The following STXBP6 variants were observed in gnomAD, a reference collection of about 807,000 sequenced individuals.
STXBP6 encodes syntaxin binding protein 6.
A neutral mutation model predicts 26.9 loss-of-function variants in STXBP6; 21 were observed. The ratio of observed to expected loss-of-function variants is 0.78; its 90% confidence interval spans 0.55 to 1.12. The LOEUF is 1.12. Among genes scored for constraint, STXBP6 ranks in the 50% most tolerant of loss-of-function variants. The pLI, the probability that STXBP6 is intolerant of heterozygous loss-of-function variation, is 0.00. For synonymous variants in STXBP6, 97 were observed against 92.6 expected, an observed-to-expected ratio of 1.05 and a Z score of -0.27; for missense variants, 232 against 257.9, an observed-to-expected ratio of 0.90 and a Z score of 0.69.
At chr14:24,819,891 T>C (rs1281447153) in intron 4 of STXBP6, among the ~76,000 whole-genome samples, 4 of 152,146 alleles carry the variant, frequency 2.6e-5, no homozygotes, top group African/African-American at 9.7e-5. Flanking sequence ...AGGACCATAC[T>C]TAACCAGCAG....
At chr14:24,814,246 G>A (rs1340076256) in intron 5 of STXBP6, among the ~76,000 whole-genome samples, 1 of 152,174 alleles carries the variant, frequency 6.6e-6, no homozygotes, top group Admixed American at 6.5e-5. Context: ...GGTGCAAATG[G>A]CAGAGCCAGG....
At chr14:24,966,259 T>A (rs1425612589) in intron 2 of STXBP6, among the ~76,000 whole-genome samples, 1 of 152,090 alleles carries the variant, frequency 6.6e-6, no homozygotes, top group Non-Finnish European at 1.5e-5. Flanking sequence ...GCTAAACCAC[T>A]AGAAAAGCTG....
intron 1 of STXBP6, among the ~76,000 whole-genome samples, chr14:25,030,284 C>A (rs1431258335): frequency 1.3e-5 from 2 of 152,162 alleles, no homozygotes; most frequent in Non-Finnish European, 2.9e-5. Flanking sequence ...GACAGTACCC[C>A]ATGCCCAATA....
chr14:24,827,839 G>T (rs1171382829), intron 4 of STXBP6, among the ~76,000 whole-genome samples: 1 of 151,926 alleles, frequency 6.6e-6, no homozygotes, highest in Non-Finnish European at 1.5e-5. Context: ...ACCTCTGCAG[G>T]ACCCCCAACC....
intron 2 of STXBP6, among the ~76,000 whole-genome samples, chr14:24,962,003 G>A (rs965424131): frequency 1.3e-5 from 2 of 152,074 alleles, no homozygotes; most frequent in Non-Finnish European, 2.9e-5. Flanking sequence ...ATGTCTGATG[G>A]ATTCCTAACT....
chr14:24,945,892 C>T (rs1322452273), intron 2 of STXBP6, among the ~76,000 whole-genome samples: 1 of 152,152 alleles, frequency 6.6e-6, no homozygotes, highest in African/African-American at 2.4e-5. Context: ...TCCAGGGAGA[C>T]ACGCTGGATT....
At chr14:24,818,974 T>C (rs879174800) in intron 5 of STXBP6, 63 bp downstream of exon 5, 1 of 1,497,534 alleles carries the variant, frequency 6.7e-7, no homozygotes, top group African/African-American at 1.4e-5. Flanking sequence ...TGAAATAAAG[T>C]TTCTTGGCAC....
intron 2 of STXBP6, among the ~76,000 whole-genome samples, chr14:24,899,620 A>C (rs2071127627): frequency 1.3e-5 from 2 of 151,974 alleles, no homozygotes; most frequent in Non-Finnish European, 2.9e-5. Flanking sequence ...ATCTCTACTA[A>C]AAATACAAAA....
chr14:24,940,148 C>A (rs1045553190), intron 2 of STXBP6, among the ~76,000 whole-genome samples: 1 of 152,168 alleles, frequency 6.6e-6, no homozygotes, highest in African/African-American at 2.4e-5. Context: ...GCCTGTCCAT[C>A]CAGTTGGTAC....
rs192670228 is a variant in STXBP6 at position 24,819,619 on chromosome 14, C to T, written c.452-425G>A. 18 of 357,226 alleles carry T rather than the reference C, an allele frequency of 5.0e-5. No individual in the cohort carries two copies. In the South Asian group the frequency reaches 5.2e-4, roughly 10 times the overall value. 22.1% of individuals were successfully genotyped at this position (357,226 alleles called of 1,614,324 possible). On this transcript the variant is annotated intron_variant, in intron 4 of 5. Coordinates refer to ENST00000323944, the MANE Select transcript of STXBP6 (RefSeq NM_001394410.1). ...GTTATTTCCTTTTGACCTGTGGTTT[C>T]GGTGAATAACCATAGGAAAACTGGG...
At chr14:24,991,853 A>G (rs1159935487) in intron 1 of STXBP6, among the ~76,000 whole-genome samples, 3 of 152,226 alleles carry the variant, frequency 2.0e-5, no homozygotes, top group Non-Finnish European at 4.4e-5. Flanking sequence ...AGAGAGCGGT[A>G]GACGGCCCAC....
intron 1 of STXBP6, among the ~76,000 whole-genome samples, chr14:25,045,192 T>C (rs1296835186): frequency 1.3e-5 from 2 of 152,190 alleles, no homozygotes; most frequent in Non-Finnish European, 2.9e-5. Flanking sequence ...AATTCTGTAT[T>C]CTGGGAAACG....
intron 2 of STXBP6, among the ~76,000 whole-genome samples, chr14:24,922,600 C>T (rs2072019741): frequency 6.6e-6 from 1 of 152,178 alleles, no homozygotes; most frequent in Non-Finnish European, 1.5e-5. Context: ...CTCCCAGGTC[C>T]TACAAGTACA....
At chr14:24,843,316 T>C (rs1555310303) in intron 4 of STXBP6, among the ~76,000 whole-genome samples, 3 of 152,156 alleles carry the variant, frequency 2.0e-5, no homozygotes, top group Non-Finnish European at 4.4e-5. Flanking sequence ...TACATATAAA[T>C]ACAGACGACT....
At chr14:24,818,568 G>T (rs1041524101) in intron 5 of STXBP6, among the ~76,000 whole-genome samples, 7 of 152,110 alleles carry the variant, frequency 4.6e-5, no homozygotes, top group African/African-American at 1.7e-4. Context: ...CTGGGACTGG[G>T]GCTTGCTTTG....
intron 1 of STXBP6, among the ~76,000 whole-genome samples, chr14:24,977,105 G>A (rs1444302769): frequency 6.6e-6 from 1 of 150,774 alleles, no homozygotes; most frequent in African/African-American, 2.4e-5. Context: ...CTCAAGTGAT[G>A]CACCCGCCTC....
chr14:24,904,746 T>C (rs2071330137), intron 2 of STXBP6, among the ~76,000 whole-genome samples: 1 of 152,090 alleles, frequency 6.6e-6, no homozygotes, highest in Non-Finnish European at 1.5e-5. Context: ...CCTCTAGAAA[T>C]CATCCCCACC....
chr14:24,956,841 G>C (rs1040564239), intron 2 of STXBP6, among the ~76,000 whole-genome samples: 2 of 151,958 alleles, frequency 1.3e-5, no homozygotes, highest in Non-Finnish European at 2.9e-5. Flanking sequence ...ATGGCACTTC[G>C]GGTGTCAACA....
chr14:24,839,368 C>T (rs970632043), intron 4 of STXBP6, among the ~76,000 whole-genome samples: 2 of 152,040 alleles, frequency 1.3e-5, no homozygotes, highest in African/African-American at 4.8e-5. Context: ...TCATACAACA[C>T]ATGCTGTTCA....
Sources: allele counts gnomAD v4.1 joint callset (sites outside exome capture counted in the v4.1 genomes callset), GRCh38; gene constraint gnomAD v4.1.1; transcripts MANE v1.5; gene names NCBI Gene and HGNC (gene_info 2026-07-23, HGNC 2026-07-21).